Variants in ADAMTS5 observed in about 807,000 individuals in gnomAD.
ADAMTS5 encodes the protein ADAM metallopeptidase with thrombospondin type 1 motif 5.
A neutral mutation model predicts 81.4 loss-of-function variants in ADAMTS5; 54 were observed. That is an observed-to-expected ratio of 0.66 (90% confidence interval 0.53 to 0.83). The LOEUF is 0.83. Among genes scored for constraint, ADAMTS5 ranks in the 40% least tolerant of loss-of-function variants. The probability of loss-of-function intolerance (pLI) is 0.00; values close to 1 mark genes in which losing one functional copy is unlikely to be tolerated. For synonymous variants in ADAMTS5, 532 were observed against 508.8 expected (o/e 1.05, Z -0.61); for missense variants, 1,194 against 1,229.9 (o/e 0.97, Z 0.44).
At chr21:26,943,844 A>G (rs1987162183) in intron 2 of ADAMTS5, among the ~76,000 whole-genome samples, 1 of 152,212 alleles carries the variant, frequency 6.6e-6, no homozygotes, top group South Asian at 2.1e-4. Flanking sequence ...TTTAGAATCT[A>G]GAGTTTGCGA....
intron 7 of ADAMTS5, among the ~76,000 whole-genome samples, chr21:26,929,233 G>C (rs549834485): frequency 6.6e-6 from 1 of 152,174 alleles, no homozygotes; most frequent in East Asian, 1.9e-4. Flanking sequence ...GGTTTGGGAA[G>C]AAAAGCAAGC....
chr21:26,966,193 G>T lies in ADAMTS5; in HGVS notation c.199C>A (p.Arg67=), dbSNP rs1438289443. The change falls in exon 1 of 8, where the codon CGG becomes AGG. Residue 67 remains arginine, a synonymous_variant. Coordinates refer to ENST00000284987, the MANE Select transcript of ADAMTS5 (RefSeq NM_007038.5). ...PPGHPHPLAQ[R]RRSKGLVQNI... ...TGCACCAGCCCCTTGCTCCTGCGCC[G>T]CTGCGCCAGGGGGTGCGGGTGGCCG... 6.3e-7 allele frequency: 1 copy of T among 1,598,694 alleles called. No homozygotes were observed. Among genetic ancestry groups the T allele is most frequent in the Non-Finnish European group, 8.5e-7 (1 of 1,172,748 alleles).
chr21:26,935,321 A>G (rs916474921), intron 3 of ADAMTS5, among the ~76,000 whole-genome samples: 5 of 152,182 alleles, frequency 3.3e-5, no homozygotes, highest in African/African-American at 1.2e-4. Context: ...GCATTTGTTC[A>G]GCACCTACAA....
At chr21:26,962,031 A>C (rs1987538957) in intron 1 of ADAMTS5, among the ~76,000 whole-genome samples, 2 of 152,244 alleles carry the variant, frequency 1.3e-5, no homozygotes, top group African/African-American at 4.8e-5. Context: ...TTGATAGTTA[A>C]TGAAAGGGAA....
At chr21:26,947,631 C>T (rs1314447804) in intron 2 of ADAMTS5, among the ~76,000 whole-genome samples, 2 of 152,116 alleles carry the variant, frequency 1.3e-5, no homozygotes, top group Non-Finnish European at 2.9e-5. Context: ...GACAGGGTTT[C>T]ACCATGTTGG....
chr21:26,958,840 TGA>T (rs1555850894), intron 1 of ADAMTS5, among the ~76,000 whole-genome samples: 1 of 152,216 alleles, frequency 6.6e-6, no homozygotes, highest in Non-Finnish European at 1.5e-5. Context: ...GAGGCATTGA[TGA>T]ATTCTCCTTG....
At chr21:26,962,158 T>A (rs778873768) in intron 1 of ADAMTS5, among the ~76,000 whole-genome samples, 7 of 152,122 alleles carry the variant, frequency 4.6e-5, no homozygotes, top group Non-Finnish European at 8.8e-5. Flanking sequence ...ATTAAACAAT[T>A]TCCTATTTTG....
At chr21:26,942,239 A>G (rs1465867539) in intron 3 of ADAMTS5, among the ~76,000 whole-genome samples, 1 of 152,092 alleles carries the variant, frequency 6.6e-6, no homozygotes, top group Admixed American at 6.6e-5. Context: ...AAATAATTTG[A>G]ATTTGTCCAT....
intron 7 of ADAMTS5, 147 bp downstream of exon 7, chr21:26,929,739 T>G: frequency 1.5e-6 from 1 of 651,802 alleles, no homozygotes; most frequent in South Asian, 4.1e-5. Flanking sequence ...TGTCTCTTCC[T>G]TCTCATATTT....
chr21:26,932,057 T>G lies in ADAMTS5; in HGVS notation c.1996A>C (p.Lys666Gln), dbSNP rs1205333858. The change falls in exon 6 of 8, where the codon AAG becomes CAG. Residue 666 changes from lysine (K) to glutamine (Q), a missense_variant. Physicochemically the swap from Lys to Gln is moderately conservative, Grantham distance 53. Coordinates refer to ENST00000284987, the MANE Select transcript of ADAMTS5 (RefSeq NM_007038.5). ...YAGVLPADVC[K>Q]LTCRAKGTGY... ...GTGCCCTTGGCTCTGCAGGTCAGCT[T>G]GCACACATCCGCTGGCAGGACACCT... 1.2e-6 allele frequency: 2 copies of G among 1,614,082 alleles called. No individual in the cohort carries two copies. The highest frequency in any genetic ancestry group is 3.3e-5 in the Admixed American group (2 of 60,004).
chr21:26,918,617 A>G lies in ADAMTS5; in HGVS notation c.*5436T>C, dbSNP rs2063588221. 6.6e-6 allele frequency: 1 copy of G among 151,996 alleles called. No individual in the cohort carries two copies. Among genetic ancestry groups the G allele is most frequent in the African/African-American group, 2.4e-5 (1 of 41,410 alleles). The allele number at this position is 151,996 out of a possible 1,614,324, so 9.4% of individuals were successfully genotyped here. On this transcript the variant is annotated 3_prime_UTR_variant, in exon 8 of 8. Transcript: ENST00000284987. Reference sequence around the variant, plus strand: ...GTGCCTGAGTGTATAATGCAAAAATAGCATCCAGAGATTATATATTTCTTA... The same window carrying G: ...GTGCCTGAGTGTATAATGCAAAAATGGCATCCAGAGATTATATATTTCTTA...
At chr21:26,955,315 A>G (rs1049018150) in intron 1 of ADAMTS5, among the ~76,000 whole-genome samples, 1 of 152,208 alleles carries the variant, frequency 6.6e-6, no homozygotes, top group Non-Finnish European at 1.5e-5. Context: ...GTATAAATTT[A>G]TTAGAAATTT....
chr21:26,953,163 C>G (rs1398284391), intron 2 of ADAMTS5, among the ~76,000 whole-genome samples: 1 of 152,180 alleles, frequency 6.6e-6, no homozygotes, highest in Non-Finnish European at 1.5e-5. Context: ...GCCATGCCTC[C>G]TCATTAGCCC....
chr21:26,963,426 AT>A (rs1173850535), intron 1 of ADAMTS5, among the ~76,000 whole-genome samples: 1 of 151,792 alleles, frequency 6.6e-6, no homozygotes, highest in Non-Finnish European at 1.5e-5. Flanking sequence ...CCTTCTATTA[AT>A]TTTTATTTAT....
At chr21:26,956,200 T>C (rs1987423796) in intron 1 of ADAMTS5, among the ~76,000 whole-genome samples, 1 of 152,226 alleles carries the variant, frequency 6.6e-6, no homozygotes, top group South Asian at 2.1e-4. Context: ...GCTATTTTGC[T>C]GCATAAAAAT....
chr21:26,962,999 A>G (rs545614426), intron 1 of ADAMTS5, among the ~76,000 whole-genome samples: 5 of 152,216 alleles, frequency 3.3e-5, no homozygotes, highest in African/African-American at 1.2e-4. Flanking sequence ...AATTGGGCGC[A>G]TCTATTGAAA....
chr21:26,941,734 A>G (rs1008369480), intron 3 of ADAMTS5, among the ~76,000 whole-genome samples: 1 of 152,124 alleles, frequency 6.6e-6, no homozygotes, highest in African/African-American at 2.4e-5. Flanking sequence ...ATAAAATATT[A>G]ATGTTATTTT....
intron 3 of ADAMTS5, among the ~76,000 whole-genome samples, chr21:26,941,355 C>T (rs1211973860): frequency 6.6e-6 from 1 of 150,634 alleles, no homozygotes; most frequent in African/African-American, 2.4e-5. Flanking sequence ...TAGTTGTTCT[C>T]TATCATGAGC....
At position 26,966,106 on chromosome 21, in the gene ADAMTS5, G is replaced by C. The variant is rs78037991; in HGVS notation, c.286C>G (p.Arg96Gly). 75 of 1,612,692 alleles carry C rather than the reference G, an allele frequency of 4.7e-5. No homozygotes were observed. Among genetic ancestry groups the C allele is most frequent in the Non-Finnish European group, 6.2e-5 (73 of 1,179,784 alleles). ...KVGYLVYAGG[R>G]RFLLDLERDG... is the part of the protein sequence containing the mutation. ...CGCTCCAGGTCCAAGAGGAACCTCC[G>C]GCCGCCCGCGTAGACGAGGTAGCCC... The change falls in exon 1 of 8, where the codon CGG becomes GGG. Residue 96 changes from arginine to glycine, a missense_variant. Arg to Gly is a moderately radical substitution (Grantham distance 125). Around this residue, in one of 2 missense-constraint regions of ADAMTS5, gnomAD observed 498 missense variants for 412.3 expected, o/e 1.21. Transcript: ENST00000284987.
Sources: gnomAD v4.1 joint callset for allele counts (sites outside exome capture counted in the v4.1 genomes callset) on GRCh38, gnomAD v4.1.1 for gene constraint, gnomAD v4.1.1 regional missense constraint, MANE v1.5 for transcripts, NCBI Gene and HGNC (gene_info 2026-07-23, HGNC 2026-07-21) for gene names.